Variants in GRIN2B observed in about 807,000 individuals in gnomAD.
The protein encoded by GRIN2B is glutamate receptor ionotropic, NMDA 2B.
Under a neutral mutation model 114.5 loss-of-function variants are expected in GRIN2B, and 5 were observed. The ratio of observed to expected loss-of-function variants is 0.04; its 90% CI spans 0.02 to 0.09. GRIN2B has a LOEUF of 0.09. Ranked by LOEUF, GRIN2B falls within the 10% of genes least tolerant of loss-of-function variation. The probability of loss-of-function intolerance (pLI) is 1.00; values close to 1 mark genes in which losing one functional copy is unlikely to be tolerated. For missense variants in GRIN2B, 1,108 were observed against 1,943.5 expected (o/e 0.57, Z 8.08); for synonymous variants, 787 against 745.1 (o/e 1.06, Z -0.92).
intron 3 of GRIN2B, among the ~76,000 whole-genome samples, chr12:13,777,805 T>C (rs1027668588): frequency 5.9e-5 from 9 of 152,246 alleles, no homozygotes; most frequent in African/African-American, 1.9e-4. Context: ...CTCCTCCCTC[T>C]TCTTGGGCAG....
intron 4 of GRIN2B, among the ~76,000 whole-genome samples, chr12:13,712,378 A>G: frequency 2.0e-5 from 3 of 152,016 alleles, no homozygotes. Context: ...TTAAAGTATA[A>G]TAAAAAACAA....
chr12:13,607,822 C>T (rs889509604), intron 10 of GRIN2B, among the ~76,000 whole-genome samples: 2 of 151,914 alleles, frequency 1.3e-5, no homozygotes, highest in African/African-American at 4.8e-5. Flanking sequence ...TTATTTTGGC[C>T]ATAAGCTTTA....
At chr12:13,652,683 T>A (rs191842488) in intron 5 of GRIN2B, among the ~76,000 whole-genome samples, 1 of 152,254 alleles carries the variant, frequency 6.6e-6, no homozygotes, top group East Asian at 1.9e-4. Context: ...CAATCACCAA[T>A]GTCTCTTTCA....
intron 10 of GRIN2B, among the ~76,000 whole-genome samples, chr12:13,578,805 G>T (rs1401254589): frequency 6.6e-6 from 1 of 152,184 alleles, no homozygotes; most frequent in Non-Finnish European, 1.5e-5. Flanking sequence ...AGTTTAGACT[G>T]GCTGTCCTGA....
At chr12:13,664,249 T>G (rs1029481605) in intron 5 of GRIN2B, among the ~76,000 whole-genome samples, 10 of 152,012 alleles carry the variant, frequency 6.6e-5, no homozygotes, top group African/African-American at 2.4e-4. Flanking sequence ...GGAGGCTGAA[T>G]GCAGAGAGGT....
At chr12:13,628,602 G>C (rs1264761141) in intron 5 of GRIN2B, among the ~76,000 whole-genome samples, 3 of 152,192 alleles carry the variant, frequency 2.0e-5, no homozygotes, top group Admixed American at 2.0e-4. Flanking sequence ...AAGCAAAATT[G>C]GTTCTCAAGC....
chr12:13,861,721 G>A (rs1187136245), intron 3 of GRIN2B, among the ~76,000 whole-genome samples: 2 of 152,158 alleles, frequency 1.3e-5, no homozygotes, highest in Non-Finnish European at 2.9e-5. Flanking sequence ...TCACACTTCA[G>A]AGCCTTCCCC....
chr12:13,616,465 T>C lies in GRIN2B; in HGVS notation c.1318A>G (p.Ile440Val), dbSNP rs765062440. Residue 440 changes from isoleucine (I) to valine (V), a missense_variant, in exon 6 of 14, where the codon ATA (isoleucine) becomes GTA (valine). Transcript: ENST00000609686. ...GAGAGGATGCCATACTCAGTGACTA[T>C]GCGTTTTTGGCAGGGGACTGTGTTC... The part of the protein sequence containing the change: ...MRNTVPCQKR[I>V]VTENKTDEEP... 17 of 1,613,010 alleles carry C rather than the reference T, an allele frequency of 1.1e-5. No individual in the cohort carries two copies. The highest frequency in any genetic ancestry group is 2.2e-5 in the East Asian group (1 of 44,874).
intron 4 of GRIN2B, among the ~76,000 whole-genome samples, chr12:13,698,997 A>G (rs1320576807): frequency 1.3e-5 from 2 of 152,154 alleles, no homozygotes; most frequent in Non-Finnish European, 2.9e-5. Context: ...CAAAATTATT[A>G]TTATAACATG....
chr12:13,841,559 G>A (rs970254099), intron 3 of GRIN2B, among the ~76,000 whole-genome samples: 4 of 152,086 alleles, frequency 2.6e-5, no homozygotes, highest in South Asian at 2.1e-4. Flanking sequence ...AACAAGACAC[G>A]AGCAGAGCCC....
At chr12:13,699,994 A>G (rs1950296023) in intron 4 of GRIN2B, among the ~76,000 whole-genome samples, 1 of 150,820 alleles carries the variant, frequency 6.6e-6, no homozygotes, top group Non-Finnish European at 1.5e-5. Context: ...CACGTAATTC[A>G]CTCCTTTTTC....
chr12:13,934,027 T>C (rs1867084866), intron 2 of GRIN2B, among the ~76,000 whole-genome samples: 1 of 152,248 alleles, frequency 6.6e-6, no homozygotes, highest in Non-Finnish European at 1.5e-5. Flanking sequence ...GAGGAGACTA[T>C]ATGCACATAG....
chr12:13,975,403 C>T (rs1863002615), intron 2 of GRIN2B, among the ~76,000 whole-genome samples: 1 of 152,242 alleles, frequency 6.6e-6, no homozygotes, highest in South Asian at 2.1e-4. Context: ...CTCTGCATTT[C>T]ACTCTAATCA....
Position 13,560,351 on chromosome 12 carries a change from C to G in GRIN2B, c.*2432G>C, listed in dbSNP as rs1409918352. The G allele has an allele frequency of 6.6e-6, 1 of 152,186 alleles. No individual in the cohort carries two copies. Among genetic ancestry groups the G allele is most frequent in the Non-Finnish European group, 1.5e-5 (1 of 68,030 alleles). 9.4% of individuals were successfully genotyped at this position (152,186 alleles called of 1,614,324 possible). A position where few individuals can be genotyped will look rare whatever the true frequency, so the allele number is the denominator to read the frequency against. ...CACCCCACTCCCTCCAGCCCAACACCCTGAATACTCACAAGAGAACACTTT... is the reference window on the plus strand; with the variant it reads ...CACCCCACTCCCTCCAGCCCAACACGCTGAATACTCACAAGAGAACACTTT... On this transcript the variant is annotated 3_prime_UTR_variant, in exon 14 of 14. Coordinates refer to ENST00000609686, the MANE Select transcript of GRIN2B (RefSeq NM_000834.5).
At chr12:13,613,278 C>T (rs889951668) in intron 8 of GRIN2B, among the ~76,000 whole-genome samples, 2 of 152,142 alleles carry the variant, frequency 1.3e-5, no homozygotes, top group East Asian at 3.8e-4. Flanking sequence ...TCTTTTCCTC[C>T]CATTAGGCCC....
chr12:13,668,940 G>T (rs1163262832), intron 5 of GRIN2B, among the ~76,000 whole-genome samples: 1 of 140,658 alleles, frequency 7.1e-6, no homozygotes, highest in African/African-American at 2.6e-5. Context: ...AGAAGGAGAA[G>T]TAAAAAGGAA....
intron 3 of GRIN2B, among the ~76,000 whole-genome samples, chr12:13,837,819 T>C (rs1228029987): frequency 6.6e-6 from 1 of 152,098 alleles, no homozygotes; most frequent in Non-Finnish European, 1.5e-5. Flanking sequence ...TGTGTATTTA[T>C]TTGGGATGGC....
At chr12:13,798,909 C>T (rs1355283431) in intron 3 of GRIN2B, among the ~76,000 whole-genome samples, 1 of 152,202 alleles carries the variant, frequency 6.6e-6, no homozygotes, top group Non-Finnish European at 1.5e-5. Flanking sequence ...TTCCCTGTTG[C>T]TCTTTTCTTC....
chr12:13,554,121 T>C lies in GRIN2B; in HGVS notation c.*8662A>G, dbSNP rs188546195. The C allele has an allele frequency of 2.6e-5, 4 of 152,302 alleles. No homozygotes were observed. Among genetic ancestry groups the C allele is most frequent in the Non-Finnish European group, 5.9e-5 (4 of 68,018 alleles). 9.4% of individuals were successfully genotyped at this position (152,302 alleles called of 1,614,324 possible). On this transcript the variant is annotated 3_prime_UTR_variant, in exon 14 of 14. Transcript: ENST00000609686. ...ATAATTTATAATAATATCAAATATT[T>C]ACTAATGCCTTTCATATACAAGGCA...
Sources: gnomAD v4.1 joint callset for allele counts (sites outside exome capture counted in the v4.1 genomes callset) on GRCh38, gnomAD v4.1.1 for gene constraint, MANE v1.5 for transcripts, NCBI Gene and HGNC (gene_info 2026-07-23, HGNC 2026-07-21) for gene names.